Variants in MLIP observed in about 807,000 individuals in gnomAD.
MLIP encodes muscular LMNA interacting protein, also known as muscular LMNA-interacting protein.
MLIP carries 79 observed loss-of-function variants against 84.8 expected under a neutral mutation model. The ratio of observed to expected loss-of-function variants is 0.93; its 90% CI spans 0.78 to 1.12. The LOEUF is 1.12. MLIP is among the 50% of genes most tolerant of loss of function. The pLI is 0.00. For missense variants in MLIP, 1,257 were observed against 1,160.6 expected, an observed-to-expected ratio of 1.08 and a Z score of -1.21; for synonymous variants, 504 against 463.0, an observed-to-expected ratio of 1.09 and a Z score of -1.14.
At chr6:54,110,975 C>G (rs1051961716), upstream of MLIP, among the ~76,000 whole-genome samples, 13 of 152,208 alleles carry the variant, frequency 8.5e-5, no homozygotes, top group Non-Finnish European at 1.8e-4. Flanking sequence ...GATAAAGTTA[C>G]TGATATTTTG....
At chr6:54,168,732 A>T (rs1775453834) in intron 8 of MLIP, among the ~76,000 whole-genome samples, 1 of 151,820 alleles carries the variant, frequency 6.6e-6, no homozygotes, top group Non-Finnish European at 1.5e-5. Context: ...TTTGAAATTG[A>T]TAATTGTTAA....
At chr6:54,252,154 TATAATATATAACTATATTATAAC>T (rs1481974958) in intron 12 of MLIP, among the ~76,000 whole-genome samples, 416 of 101,534 alleles carry the variant, frequency 4.1e-3, no homozygotes, top group African/African-American at 4.3e-3. Flanking sequence ...TAATATAACA[TATAATATATAACTATATTATAAC>T]ATAATATATA....
At chr6:54,178,423 C>A (rs1776519580) in intron 9 of MLIP, among the ~76,000 whole-genome samples, 1 of 151,768 alleles carries the variant, frequency 6.6e-6, no homozygotes. Context: ...TATTTCTGCT[C>A]TGATATTTAT....
chr6:54,233,658 T>A (rs1161048832), intron 12 of MLIP, among the ~76,000 whole-genome samples: 1 of 152,238 alleles, frequency 6.6e-6, no homozygotes, highest in Non-Finnish European at 1.5e-5. Context: ...TGTGTCTTTA[T>A]AGTAGAATGA....
At chr6:54,038,949 T>C (rs1239999869) in intron 1 of MLIP, among the ~76,000 whole-genome samples, 2 of 151,886 alleles carry the variant, frequency 1.3e-5, no homozygotes, top group African/African-American at 4.8e-5. Flanking sequence ...TTGAGCACAT[T>C]CTCGCCAAAG....
chr6:54,163,201 T>C (rs1161853847), intron 8 of MLIP, among the ~76,000 whole-genome samples: 1 of 152,014 alleles, frequency 6.6e-6, no homozygotes, highest in Non-Finnish European at 1.5e-5. Flanking sequence ...TGACTTTATA[T>C]TTATAATTTC....
At chr6:54,096,191 T>G (rs894107349) in intron 1 of MLIP, among the ~76,000 whole-genome samples, 1 of 152,166 alleles carries the variant, frequency 6.6e-6, no homozygotes, top group Non-Finnish European at 1.5e-5. Context: ...TTTTAAGACC[T>G]TTTTTGGGGG....
intron 9 of MLIP, among the ~76,000 whole-genome samples, chr6:54,177,807 G>T (rs1449521639): frequency 6.6e-6 from 1 of 152,146 alleles, no homozygotes; most frequent in Non-Finnish European, 1.5e-5. Context: ...ATGCCCATCA[G>T]TGAGAGACTG....
At chr6:54,228,724 G>A (rs1780777948) in intron 11 of MLIP, among the ~76,000 whole-genome samples, 2 of 152,186 alleles carry the variant, frequency 1.3e-5, no homozygotes, top group Non-Finnish European at 2.9e-5. Flanking sequence ...CTGACAACCT[G>A]AGAATTGATT....
intron 1 of MLIP, among the ~76,000 whole-genome samples, chr6:54,100,940 C>T (rs892504368): frequency 6.6e-6 from 1 of 152,048 alleles, no homozygotes; most frequent in Non-Finnish European, 1.5e-5. Flanking sequence ...AAAAGACCAT[C>T]CCAGTGTAAT....
chr6:54,210,146 C>CGCACT (rs372116766), intron 11 of MLIP, among the ~76,000 whole-genome samples: 10,033 of 148,200 alleles, frequency 0.068, 14 homozygotes, highest in East Asian at 0.16. Context: ...CTCACCGCAC[C>CGCACT]GCACCGCACC....
intron 1 of MLIP, among the ~76,000 whole-genome samples, chr6:54,093,902 C>T (rs6938357): frequency 0.16 from 23,783 of 152,114 alleles, 2,484 homozygotes; most frequent in African/African-American, 0.29. Flanking sequence ...TACTTTCTGG[C>T]CCCTTACAGA....
chr6:54,188,448 A>T (rs1777605229), intron 9 of MLIP, among the ~76,000 whole-genome samples: 1 of 151,996 alleles, frequency 6.6e-6, no homozygotes, highest in Non-Finnish European at 1.5e-5. Flanking sequence ...TCTATTTCAA[A>T]TTTTTATTTT....
chr6:54,095,830 T>A (rs2150379550), intron 1 of MLIP, among the ~76,000 whole-genome samples: 1 of 152,302 alleles, frequency 6.6e-6, no homozygotes, highest in South Asian at 2.1e-4. Context: ...TTCATGAATT[T>A]GCTTTCATGG....
chr6:54,088,929 G>A (rs953866376), intron 1 of MLIP, among the ~76,000 whole-genome samples: 1 of 151,984 alleles, frequency 6.6e-6, no homozygotes, highest in African/African-American at 2.4e-5. Flanking sequence ...AACCTTGGGG[G>A]CCACCTTTTT....
At chr6:54,043,952 T>C (rs1247999031) in intron 1 of MLIP, among the ~76,000 whole-genome samples, 1 of 152,140 alleles carries the variant, frequency 6.6e-6, no homozygotes, top group Non-Finnish European at 1.5e-5. Flanking sequence ...GAGTGGGGTG[T>C]TGGCTGTGGA....
At chr6:54,091,143 A>C (rs1006402254) in intron 1 of MLIP, among the ~76,000 whole-genome samples, 2 of 152,202 alleles carry the variant, frequency 1.3e-5, no homozygotes, top group African/African-American at 2.4e-5. Context: ...TGCCAAAGGT[A>C]CCCTGGGGGG....
Position 54,101,523 on chromosome 6 carries a change from T to G in MLIP, c.64-19924T>G, listed in dbSNP as rs186006285. ...GGAATTTGAGTAAGTTATATAGGAT[T>G]ATCCATGAATAATAAGTAGATTTAT... On this transcript the variant is annotated intron_variant, in intron 1 of 12. Coordinates refer to the MLIP transcript ENST00000274897. Among the ~76,000 whole-genome samples, 6 of 152,278 alleles carry G rather than the reference T, an allele frequency of 3.9e-5. No individual in the cohort carries two copies. The East Asian group carries it at 1.2e-3, about 29-fold the overall frequency.
chr6:54,052,609 T>C (rs1765437050), intron 1 of MLIP, among the ~76,000 whole-genome samples: 1 of 152,200 alleles, frequency 6.6e-6, no homozygotes, highest in South Asian at 2.1e-4. Context: ...GTTTATATAG[T>C]GTCCTAACAA....
Sources: allele counts gnomAD v4.1 joint callset (sites outside exome capture counted in the v4.1 genomes callset), GRCh38; gene constraint gnomAD v4.1.1; transcripts MANE v1.5; gene names NCBI Gene and HGNC (gene_info 2026-07-23, HGNC 2026-07-21).